RABGAP1L: variants seen among roughly 807,000 people sequenced by gnomAD.
RABGAP1L encodes rab GTPase-activating protein 1-like.
In RABGAP1L, 63 loss-of-function variants were observed where a neutral mutation model predicts 137.7. That is an observed-to-expected ratio of 0.46 (90% confidence interval 0.37 to 0.56). The LOEUF (loss-of-function observed/expected upper bound fraction) is 0.56, where lower values mean the gene tolerates loss of function less well. Ranked by LOEUF, RABGAP1L falls within the 20% of genes least tolerant of loss-of-function variation. The probability of loss-of-function intolerance (pLI) is 0.00; values close to 1 mark genes in which losing one functional copy is unlikely to be tolerated. For synonymous variants in RABGAP1L, 431 were observed against 433.7 expected (o/e 0.99, Z 0.08); for missense variants, 1,095 against 1,244.0 (o/e 0.88, Z 1.80).
At chr1:174,163,611 TAAAAAA>T (rs36027110) in intron 1 of RABGAP1L, among the ~76,000 whole-genome samples, 1 of 142,616 alleles carries the variant, frequency 7.0e-6, no homozygotes, top group South Asian at 2.2e-4. Context: ...CTGTTGGGCT[TAAAAAA>T]AAAAAAAACC....
intron 1 of RABGAP1L, among the ~76,000 whole-genome samples, chr1:174,186,852 C>G (rs147224265): frequency 1.2e-3 from 185 of 152,310 alleles, no homozygotes; most frequent in Non-Finnish European, 1.6e-3. Context: ...CCAAGGCCTT[C>G]TGGCATTCTA....
At chr1:174,588,075 C>T (rs995240134) in intron 13 of RABGAP1L, among the ~76,000 whole-genome samples, 2 of 151,794 alleles carry the variant, frequency 1.3e-5, no homozygotes, top group Non-Finnish European at 2.9e-5. Flanking sequence ...AATGTTGGCC[C>T]GGCTGGTCTC....
At chr1:174,474,595 G>T (rs377467542) in intron 13 of RABGAP1L, among the ~76,000 whole-genome samples, 350 of 151,856 alleles carry the variant, frequency 2.3e-3, no homozygotes, top group Middle Eastern at 0.014. Context: ...TGATGATGAT[G>T]ATTATTATTA....
At chr1:174,328,304 A>G (rs1345875945) in intron 11 of RABGAP1L, among the ~76,000 whole-genome samples, 3 of 152,012 alleles carry the variant, frequency 2.0e-5, no homozygotes, top group Non-Finnish European at 2.9e-5. Flanking sequence ...AGGCTACAAA[A>G]TAAGGCTTAA....
Position 174,394,133 on chromosome 1 carries a change from T to C in RABGAP1L, c.1698T>C (p.Ile566=). ...AGGCAATGCTGGATAGATACCGAATTCTTATCACAAAGGTAGGAAGAAGTT... is the reference window on the plus strand; with the variant it reads ...AGGCAATGCTGGATAGATACCGAATCCTTATCACAAAGGTAGGAAGAAGTT... The part of the protein sequence containing the change: ...DNQAMLDRYR[I]LITKDSAQES... Residue 566 remains isoleucine (I), a synonymous_variant, in exon 13 of 26, where the codon ATT becomes ATC. Coordinates refer to ENST00000681986, the MANE Select transcript of RABGAP1L (RefSeq NM_001366446.1). 6.2e-7 allele frequency: 1 copy of C among 1,612,790 alleles called. No homozygotes were observed.
At chr1:174,744,227 A>G (rs1302274949) in intron 17 of RABGAP1L, among the ~76,000 whole-genome samples, 4 of 152,114 alleles carry the variant, frequency 2.6e-5, no homozygotes, top group Non-Finnish European at 5.9e-5. Context: ...TAGCCAACCT[A>G]AAATATTAAA....
chr1:174,196,681 A>G (rs560353063), intron 1 of RABGAP1L, among the ~76,000 whole-genome samples: 7 of 149,382 alleles, frequency 4.7e-5, no homozygotes, highest in African/African-American at 1.7e-4. Flanking sequence ...TTGTTTCCTC[A>G]TCATAACTTC....
intron 13 of RABGAP1L, among the ~76,000 whole-genome samples, chr1:174,441,835 C>CTT (rs79368665): frequency 7.2e-5 from 10 of 138,910 alleles, no homozygotes; most frequent in Admixed American, 4.4e-4. Flanking sequence ...GCTGCTGAAG[C>CTT]TTTTTTTTTT....
At chr1:174,566,994 T>C (rs1667627134) in intron 13 of RABGAP1L, among the ~76,000 whole-genome samples, 1 of 152,176 alleles carries the variant, frequency 6.6e-6, no homozygotes, top group African/African-American at 2.4e-5. Context: ...TAAAACATAA[T>C]ATTTATCATT....
intron 13 of RABGAP1L, among the ~76,000 whole-genome samples, chr1:174,530,219 G>A (rs1157488373): frequency 6.6e-6 from 1 of 151,942 alleles, no homozygotes; most frequent in African/African-American, 2.4e-5. Context: ...CAGTCCCAGT[G>A]GTGCTTGTGC....
Position 174,363,154 on chromosome 1 carries a change from T to C in RABGAP1L, c.1466-7825T>C, listed in dbSNP as rs556545941. On this transcript the variant is annotated intron_variant, in intron 11 of 25. Transcript: ENST00000681986. ...CCATTGGTCTATGTGTCTGTTCTTA[T>C]ATCAGTGCCATGCTGTCTTGGTTAC... Among the ~76,000 whole-genome samples, 4 of 152,350 alleles carry C rather than the reference T, an allele frequency of 2.6e-5. No individual in the cohort carries two copies. In the South Asian group the frequency reaches 6.2e-4, roughly 24 times the overall value.
chr1:174,238,285 C>T (rs1432843955), intron 4 of RABGAP1L, among the ~76,000 whole-genome samples: 1 of 152,200 alleles, frequency 6.6e-6, no homozygotes, highest in African/African-American at 2.4e-5. Flanking sequence ...AGTCATTCTC[C>T]ATCCAGGTTT....
chr1:174,786,781 T>C lies in RABGAP1L; in HGVS notation c.2212-25051T>C, dbSNP rs77021115. Among the ~76,000 whole-genome samples, 1,444 of 152,332 alleles carry C rather than the reference T, an allele frequency of 9.5e-3. 24 individuals are homozygous for C. The highest frequency in any genetic ancestry group is 0.033 in the African/African-American group (1,385 of 41,574). On this transcript the variant is annotated intron_variant, in intron 18 of 25. Coordinates refer to ENST00000681986, the MANE Select transcript of RABGAP1L (RefSeq NM_001366446.1). The stretch of plus-strand genomic sequence containing the variant: ...ATTTAGACATTAAATAAAAGAGACA[T>C]ATATGCTTATTATCCCCTAGTTTAA...
chr1:174,377,738 C>T (rs911208758), intron 12 of RABGAP1L, among the ~76,000 whole-genome samples: 11 of 146,376 alleles, frequency 7.5e-5, no homozygotes, highest in South Asian at 2.2e-4. Flanking sequence ...ACATTGAAAG[C>T]GTAGCATAGC....
At position 174,272,354 on chromosome 1, in the gene RABGAP1L, A is replaced by G; in HGVS notation, c.987-60A>G. On this transcript the variant is annotated intron_variant, in intron 7 of 25. Transcript: ENST00000681986. Reference sequence around the variant, plus strand: ...GTTATTGTAAAAAGGCTTTATGCTCACTGGGCTTCTATATATTCTTGATAC... The same window carrying G: ...GTTATTGTAAAAAGGCTTTATGCTCGCTGGGCTTCTATATATTCTTGATAC... 7 of 1,546,950 alleles carry G rather than the reference A, an allele frequency of 4.5e-6. No homozygotes were observed. In the South Asian group the frequency reaches 7.4e-5, roughly 16 times the overall value.
At chr1:174,865,952 A>G (rs1651131216) in intron 19 of RABGAP1L, among the ~76,000 whole-genome samples, 1 of 152,224 alleles carries the variant, frequency 6.6e-6, no homozygotes, top group Non-Finnish European at 1.5e-5. Flanking sequence ...TACAAAGAGA[A>G]CAATGTAGGA....
intron 13 of RABGAP1L, among the ~76,000 whole-genome samples, chr1:174,528,478 G>A (rs1217482590): frequency 6.7e-6 from 1 of 149,076 alleles, no homozygotes; most frequent in African/African-American, 2.5e-5. Flanking sequence ...GTTTGCTATG[G>A]TATCCTTGAC....
intron 13 of RABGAP1L, among the ~76,000 whole-genome samples, chr1:174,404,369 T>C (rs1457449137): frequency 6.6e-6 from 1 of 152,178 alleles, no homozygotes; most frequent in Admixed American, 6.5e-5. Flanking sequence ...GCTTGGGTTA[T>C]CCAGAAAGCC....
intron 13 of RABGAP1L, among the ~76,000 whole-genome samples, chr1:174,534,802 A>ATG (rs869189341): frequency 7.3e-6 from 1 of 137,266 alleles, no homozygotes; most frequent in African/African-American, 2.8e-5. Flanking sequence ...AAAAAAAAAA[A>ATG]AATAATTAGA....
Sources: gnomAD v4.1 joint callset for allele counts (sites outside exome capture counted in the v4.1 genomes callset) on GRCh38, gnomAD v4.1.1 for gene constraint, MANE v1.5 for transcripts, NCBI Gene and HGNC (gene_info 2026-07-23, HGNC 2026-07-21) for gene names.